The following ATP2C1 variants were observed in gnomAD, a reference collection of about 807,000 sequenced individuals.
The protein encoded by ATP2C1 is ATPase secretory pathway Ca2+ transporting 1.
In ATP2C1, 31 loss-of-function variants were observed where a neutral mutation model predicts 120.5. The observed-to-expected ratio is 0.26, with a 90% CI of 0.19 to 0.35. ATP2C1 has a LOEUF of 0.35. ATP2C1 is among the 10% of genes least tolerant of loss of function. The pLI, the probability that ATP2C1 is intolerant of heterozygous loss-of-function variation, is 1.00. For missense variants in ATP2C1, 731 were observed against 1,107.5 expected (o/e 0.66, Z 4.83); for synonymous variants, 351 against 358.7 (o/e 0.98, Z 0.24).
At position 131,001,525 on chromosome 3, in the gene ATP2C1, A is replaced by T; in HGVS notation, c.*175A>T. ...CCTGCTGGCAGTCCCAAATGAAATT[A>T]TGCAACTTTGATATCATATTCCTTG... is the stretch of plus-strand genomic sequence containing the variant. On this transcript the variant is annotated 3_prime_UTR_variant, in exon 28 of 28. Coordinates refer to ENST00000510168, the MANE Select transcript of ATP2C1 (RefSeq NM_001378687.1). 2 of 1,312,892 alleles carry T rather than the reference A, an allele frequency of 1.5e-6. No individual in the cohort carries two copies. The highest frequency in any genetic ancestry group is 1.9e-6 in the Non-Finnish European group (2 of 1,027,840). 81.3% of individuals were successfully genotyped at this position (1,312,892 alleles called of 1,614,324 possible).
intron 20 of ATP2C1, among the ~76,000 whole-genome samples, 187 bp downstream of exon 20, chr3:130,980,866 T>C (rs944094039): frequency 6.6e-6 from 1 of 152,206 alleles, no homozygotes; most frequent in Non-Finnish European, 1.5e-5. Flanking sequence ...ATTTATGATA[T>C]GATGTTTATG....
rs369320714 is a variant in ATP2C1 at position 131,012,235 on chromosome 3, C to T, written c.2630-3917C>T. 1.9e-4 allele frequency among the ~76,000 whole-genome samples: 29 copies of T among 150,150 alleles called. 1 individual carries two copies. The South Asian group carries it at 5.2e-3, about 27-fold the overall frequency. On this transcript the variant is annotated intron_variant, in intron 26 of 26. Coordinates refer to the ATP2C1 transcript ENST00000328560. ...AGGTAGGGAGGATTTGATATAACAA[C>T]GGTCTTACATGGTTTTTCTTTTTTC...
chr3:130,978,467 C>T (rs1027613642), intron 18 of ATP2C1, among the ~76,000 whole-genome samples: 4 of 151,824 alleles, frequency 2.6e-5, no homozygotes, highest in African/African-American at 7.3e-5. Flanking sequence ...AAGTAGTTTC[C>T]GGAGTTCCAT....
Position 130,964,022 on chromosome 3 carries a change from G to A in ATP2C1, c.951G>A (p.Thr317=), listed in dbSNP as rs147959633. The stretch of plus-strand genomic sequence containing the variant: ...GTCTCCCCATTGTGGTCACAGTGAC[G>A]CTAGCTCTTGGTGTTATGAGAATGG... ...PEGLPIVVTV[T]LALGVMRMVK... Residue 317 remains threonine (T), a synonymous_variant, in exon 13 of 28, where the codon ACG becomes ACA. Transcript: ENST00000510168. The A allele has an allele frequency of 5.0e-5, 81 of 1,612,750 alleles. 1 individual carries two copies. In the East Asian group the frequency reaches 9.1e-4, roughly 18 times the overall value.
intron 1 of ATP2C1, among the ~76,000 whole-genome samples, chr3:130,880,565 T>G (rs1190725874): frequency 6.6e-6 from 1 of 152,236 alleles, no homozygotes; most frequent in East Asian, 1.9e-4. Flanking sequence ...ATTGTAGCAA[T>G]AAATTTTCTA....
intron 1 of ATP2C1, among the ~76,000 whole-genome samples, chr3:130,878,900 A>C (rs2068692786): frequency 6.6e-6 from 1 of 152,192 alleles, no homozygotes; most frequent in Non-Finnish European, 1.5e-5. Context: ...TTGAGCTTCC[A>C]GTATCTGGAT....
downstream of ATP2C1, among the ~76,000 whole-genome samples, chr3:131,007,902 T>G (rs2063176700): frequency 3.9e-5 from 6 of 152,226 alleles, no homozygotes; most frequent in South Asian, 1.2e-3. Flanking sequence ...AACTTTACAT[T>G]TAAGCATTAT....
At chr3:130,982,837 C>T (rs1014005886) in intron 20 of ATP2C1, among the ~76,000 whole-genome samples, 1 of 152,030 alleles carries the variant, frequency 6.6e-6, no homozygotes, top group Non-Finnish European at 1.5e-5. Flanking sequence ...AAAGTAAGAG[C>T]TACAATAGAA....
intron 19 of ATP2C1, 142 bp from the exon 20 acceptor site, chr3:130,980,440 A>G (rs2061705503): frequency 3.0e-6 from 2 of 669,588 alleles, no homozygotes; most frequent in Admixed American, 4.3e-5. Context: ...CTCCAGACTT[A>G]ATACTGATTC....
In ATP2C1 at chr3:130,856,638, C is replaced by G. The variant is rs147810233; in HGVS notation, c.108+5710C>G. ...AACTAAAAGTGCTTCTCCATGTCCC[C>G]TTAGCCCCATGCTTATGATCTTTCA... is the stretch of plus-strand genomic sequence containing the variant. On this transcript the variant is annotated intron_variant, in intron 1 of 26. Coordinates refer to the ATP2C1 transcript ENST00000504381. Among the ~76,000 whole-genome samples the G allele has an allele frequency of 9.8e-5, 15 of 152,310 alleles. No individual in the cohort carries two copies. The East Asian group carries it at 2.7e-3, about 27-fold the overall frequency.
At chr3:130,977,902 T>G (rs892733627) in intron 18 of ATP2C1, among the ~76,000 whole-genome samples, 3 of 152,226 alleles carry the variant, frequency 2.0e-5, no homozygotes, top group African/African-American at 4.8e-5. Context: ...CTGTGGTTCT[T>G]AATTTTGATA....
Position 130,956,154 on chromosome 3 carries a change from T to C in ATP2C1, c.807T>C (p.Leu269=). Reference sequence around the variant, plus strand: ...GCATGGACCTCTTAGGAAAACAACTTTCCTTTTACTCCTTTGGTATAATAG... The same window carrying C: ...GCATGGACCTCTTAGGAAAACAACTCTCCTTTTACTCCTTTGGTATAATAG... ...QKSMDLLGKQ[L]SFYSFGIIGI... Residue 269 remains leucine, a synonymous_variant, in exon 11 of 28, where the codon CTT becomes CTC. Coordinates refer to ENST00000510168, the MANE Select transcript of ATP2C1 (RefSeq NM_001378687.1). 6.2e-7 allele frequency: 1 copy of C among 1,608,722 alleles called. No homozygotes were observed. Among genetic ancestry groups the C allele is most frequent in the Non-Finnish European group, 8.5e-7 (1 of 1,175,498 alleles).
In ATP2C1 at chr3:131,014,241, A is replaced by G. The variant is rs145647315; in HGVS notation, c.2630-1911A>G. 47 of 1,613,236 alleles carry G rather than the reference A, an allele frequency of 2.9e-5. No individual in the cohort carries two copies. The African/African-American group carries it at 3.1e-4, about 11-fold the overall frequency. ...ATTTGATCTACCTTTTGGTAGGAAT[A>G]TTTCAGCGGGGGCATATGACCTTGT... On this transcript the variant is annotated intron_variant, in intron 26 of 26. Coordinates refer to the ATP2C1 transcript ENST00000328560.
At chr3:130,905,831 C>T (rs530129650) in intron 2 of ATP2C1, among the ~76,000 whole-genome samples, 8 of 152,148 alleles carry the variant, frequency 5.3e-5, no homozygotes, top group African/African-American at 1.9e-4. Flanking sequence ...CTTTGGCAAT[C>T]ATTCTCTTGG....
At chr3:130,941,256 G>GTGTGTC (rs1553764246) in intron 7 of ATP2C1, among the ~76,000 whole-genome samples, 5 of 144,164 alleles carry the variant, frequency 3.5e-5, no homozygotes, top group African/African-American at 1.3e-4. Flanking sequence ...GTGTGTGTGT[G>GTGTGTC]TGTGTGTGTC....
chr3:130,945,906 T>G (rs1380018081), intron 8 of ATP2C1, among the ~76,000 whole-genome samples: 1 of 151,952 alleles, frequency 6.6e-6, no homozygotes, highest in South Asian at 2.1e-4. Context: ...TGTGGGTTTT[T>G]TTTTTTTTTT....
At chr3:130,862,547 T>C (rs1377095006) in intron 1 of ATP2C1, among the ~76,000 whole-genome samples, 2 of 152,156 alleles carry the variant, frequency 1.3e-5, no homozygotes, top group African/African-American at 4.8e-5. Flanking sequence ...ACATAGTTAA[T>C]TGTTTTTCAT....
chr3:131,014,276 T>C (rs546301054), intron 26 of ATP2C1: 10 of 1,613,968 alleles, frequency 6.2e-6, no homozygotes, highest in South Asian at 5.5e-5. Context: ...TGGCATTGAA[T>C]AGATATTCAT....
At chr3:130,993,037 A>G (rs1254019957) in intron 21 of ATP2C1, 36 bp downstream of exon 21, 3 of 1,562,102 alleles carry the variant, frequency 1.9e-6, no homozygotes, top group East Asian at 4.5e-5. Context: ...TTATTTCTGT[A>G]TACAAAATGC....
Sources: gnomAD v4.1 joint callset for allele counts (sites outside exome capture counted in the v4.1 genomes callset) on GRCh38, gnomAD v4.1.1 for gene constraint, MANE v1.5 for transcripts, NCBI Gene and HGNC (gene_info 2026-07-23, HGNC 2026-07-21) for gene names.